The following RBFOX1 variants were observed in gnomAD, a reference collection of about 807,000 sequenced individuals.
RBFOX1 encodes the protein RNA binding fox-1 homolog 1, also known as RNA binding protein fox-1 homolog 1.
In RBFOX1, 8 loss-of-function variants were observed where a neutral mutation model predicts 57.7. The ratio of observed to expected loss-of-function variants is 0.14; its 90% CI spans 0.08 to 0.25. The LOEUF is 0.25. Ranked by LOEUF, RBFOX1 falls within the 10% of genes least tolerant of loss-of-function variation. The pLI is 1.00. For missense variants in RBFOX1, 611 were observed against 548.5 expected (o/e 1.11, Z -1.14); for synonymous variants, 326 against 222.4 (o/e 1.47, Z -4.15).
chr16:5,455,361 A>G, intron 1 of RBFOX1, among the ~76,000 whole-genome samples: 1 of 152,120 alleles, frequency 6.6e-6, no homozygotes, highest in Non-Finnish European at 1.5e-5. Context: ...ATATGGCTTC[A>G]GAAGCCGCCT....
chr16:7,200,085 A>G lies in RBFOX1; in HGVS notation c.27+147987A>G, dbSNP rs192490784. ...AAAAGTCAGATACTAGTCATAATAC[A>G]TAATAGTGTCAGGGACATGAACACA... On this transcript the variant is annotated intron_variant, in intron 4 of 15. Transcript: ENST00000550418. 4.9e-3 allele frequency among the ~76,000 whole-genome samples: 740 copies of G among 152,370 alleles called. 1 individual carries two copies. The highest frequency in any genetic ancestry group is 8.1e-3 in the Non-Finnish European group (549 of 68,046).
intron 1 of RBFOX1, among the ~76,000 whole-genome samples, chr16:5,355,876 A>T (rs1208113547): frequency 6.6e-6 from 1 of 152,160 alleles, no homozygotes; most frequent in African/African-American, 2.4e-5. Flanking sequence ...GAATCGCCTG[A>T]GACTAGGAGT....
Position 5,300,991 on chromosome 16 carries a change from G to A in RBFOX1, c.219+60886G>A, listed in dbSNP as rs142889139. ...TCTAGGTTTATTTTTGGTAGGTAGC[G>A]CTCAAAGTGGCTTCCAGTAGCCTCT... On this transcript the variant is annotated intron_variant, in intron 1 of 2. Coordinates refer to the RBFOX1 transcript ENST00000585867. 1.2e-3 allele frequency among the ~76,000 whole-genome samples: 185 copies of A among 152,192 alleles called. 2 individuals are homozygous for A. The highest frequency in any genetic ancestry group is 4.0e-3 in the African/African-American group (167 of 41,506).
intron 1 of RBFOX1, among the ~76,000 whole-genome samples, chr16:5,459,916 C>G (rs979241067): frequency 6.6e-6 from 1 of 152,158 alleles, no homozygotes. Context: ...TTCACTGCCT[C>G]TCCGTGTCGC....
chr16:6,929,812 A>T (rs1001449413), intron 3 of RBFOX1, among the ~76,000 whole-genome samples: 1 of 152,184 alleles, frequency 6.6e-6, no homozygotes, highest in African/African-American at 2.4e-5. Context: ...GAAGTTGCTC[A>T]TGCTGTTTTA....
chr16:6,903,914 G>A (rs150301996), intron 3 of RBFOX1, among the ~76,000 whole-genome samples: 22 of 152,192 alleles, frequency 1.4e-4, no homozygotes, highest in African/African-American at 5.1e-4. Context: ...TGCCAGGGAG[G>A]ATGTTTAGTA....
At chr16:7,024,524 TC>T (rs1251775384) in intron 3 of RBFOX1, among the ~76,000 whole-genome samples, 4 of 152,156 alleles carry the variant, frequency 2.6e-5, no homozygotes, top group African/African-American at 7.2e-5. Flanking sequence ...GTGCAAAAAT[TC>T]TTTGTAGATG....
intron 4 of RBFOX1, among the ~76,000 whole-genome samples, chr16:7,391,686 C>G (rs1277463421): frequency 6.6e-6 from 1 of 152,216 alleles, no homozygotes; most frequent in Non-Finnish European, 1.5e-5. Context: ...CCCCAAAAGA[C>G]TGTAAAGGCC....
intron 5 of RBFOX1, among the ~76,000 whole-genome samples, chr16:7,534,150 G>A (rs11865460): frequency 0.16 from 23,618 of 144,726 alleles, 3,434 homozygotes; most frequent in African/African-American, 0.4. Context: ...GCAGTGGCTC[G>A]ATCTCGGCTC....
intron 3 of RBFOX1, among the ~76,000 whole-genome samples, chr16:5,727,647 TC>T (rs2052203070): frequency 6.6e-6 from 1 of 152,134 alleles, no homozygotes; most frequent in African/African-American, 2.4e-5. Flanking sequence ...ACCCTCAAGC[TC>T]TTGGTGACCA....
intron 3 of RBFOX1, among the ~76,000 whole-genome samples, chr16:6,999,225 A>ATTTTTTTTTTTTTTTTT (rs200620958): frequency 5.7e-5 from 7 of 122,956 alleles, no homozygotes; most frequent in Non-Finnish European, 1.0e-4. Context: ...TATTTTTTTT[A>ATTTTTTTTTTTTTTTTT]TTTATTTTTT....
intron 4 of RBFOX1, among the ~76,000 whole-genome samples, chr16:7,218,639 T>TGTGTGTGTGTGC (rs2092455496): frequency 1.6e-5 from 2 of 125,364 alleles, no homozygotes; most frequent in African/African-American, 6.0e-5. Context: ...TGTGTGTGTG[T>TGTGTGTGTGTGC]GTGTGTGTGT....
intron 4 of RBFOX1, among the ~76,000 whole-genome samples, chr16:7,252,544 G>A (rs558574633): frequency 6.6e-6 from 1 of 152,210 alleles, no homozygotes; most frequent in African/African-American, 2.4e-5. Context: ...TGGAAGATCT[G>A]ACAAAGCTTG....
At chr16:6,444,410 C>T (rs1347269086) in intron 2 of RBFOX1, among the ~76,000 whole-genome samples, 1 of 152,060 alleles carries the variant, frequency 6.6e-6, no homozygotes, top group Admixed American at 6.6e-5. Flanking sequence ...TGGGAGGGAA[C>T]CCGTGGGAGG....
At chr16:7,595,782 A>G in intron 8 of RBFOX1, 141 bp downstream of exon 8, 1 of 351,156 alleles carries the variant, frequency 2.8e-6, no homozygotes, top group Non-Finnish European at 4.4e-6. Flanking sequence ...ATATTTTTAT[A>G]TATAAAAAGG....
intron 2 of RBFOX1, among the ~76,000 whole-genome samples, chr16:6,503,998 C>G (rs974548533): frequency 6.6e-6 from 1 of 152,212 alleles, no homozygotes; most frequent in African/African-American, 2.4e-5. Flanking sequence ...TTTTTAAGAG[C>G]AGCCTTCTAT....
At chr16:5,317,357 C>G (rs1254978406) in intron 1 of RBFOX1, among the ~76,000 whole-genome samples, 9 of 152,146 alleles carry the variant, frequency 5.9e-5, no homozygotes, top group Admixed American at 5.9e-4. Flanking sequence ...ATCTGTAATC[C>G]CAGCAGTTTA....
chr16:5,244,022 G>C (rs2062233931), intron 1 of RBFOX1, among the ~76,000 whole-genome samples: 1 of 151,996 alleles, frequency 6.6e-6, no homozygotes, highest in Non-Finnish European at 1.5e-5. Context: ...TCAGCCTCCG[G>C]AGTAGCTGGG....
At chr16:7,683,208 G>A (rs188247027) in intron 14 of RBFOX1, among the ~76,000 whole-genome samples, 3 of 148,716 alleles carry the variant, frequency 2.0e-5, no homozygotes, top group Non-Finnish European at 3.0e-5. Context: ...TAGAGTCACC[G>A]TAATTTTTTA....
Sources: allele counts gnomAD v4.1 joint callset (sites outside exome capture counted in the v4.1 genomes callset), GRCh38; gene constraint gnomAD v4.1.1; transcripts MANE v1.5; gene names NCBI Gene and HGNC (gene_info 2026-07-23, HGNC 2026-07-21).